MYO18B: variants seen among roughly 807,000 people sequenced by gnomAD.
MYO18B encodes myosin XVIIIB.
Under a neutral mutation model 273.0 loss-of-function variants are expected in MYO18B, and 204 were observed. That is an observed-to-expected ratio of 0.75 (90% CI 0.67 to 0.84). MYO18B has a LOEUF of 0.84. MYO18B is among the 40% of genes least tolerant of loss of function. The probability of loss-of-function intolerance (pLI) is 0.00; values close to 1 mark genes in which losing one functional copy is unlikely to be tolerated. For synonymous variants in MYO18B, 1,330 were observed against 1,305.7 expected, an observed-to-expected ratio of 1.02 and a Z score of -0.40; for missense variants, 3,212 against 3,287.6, an observed-to-expected ratio of 0.98 and a Z score of 0.56.
intron 29 of MYO18B, chr22:25,900,698 T>C (rs958261795): frequency 8.5e-5 from 13 of 152,406 alleles, no homozygotes; most frequent in African/African-American, 2.2e-4. Context: ...CTCAGGCAAT[T>C]GGCTGGTCAG....
At chr22:25,823,396 C>G (rs2089358042) in intron 12 of MYO18B, 109 bp from the exon 13 acceptor site, 1 of 1,231,364 alleles carries the variant, frequency 8.1e-7, no homozygotes, top group Non-Finnish European at 1.1e-6. Context: ...GCTGAGGAGG[C>G]TGGCCTGGAG....
At chr22:26,024,470 C>A (rs1936089855) in intron 42 of MYO18B, among the ~76,000 whole-genome samples, 1 of 152,156 alleles carries the variant, frequency 6.6e-6, no homozygotes, top group Non-Finnish European at 1.5e-5. Flanking sequence ...GCAGGAATAG[C>A]AAGCCTGATC....
chr22:25,906,256 G>A (rs1176830615), intron 31 of MYO18B, among the ~76,000 whole-genome samples: 1 of 152,022 alleles, frequency 6.6e-6, no homozygotes, highest in Middle Eastern at 3.2e-3. Context: ...TATTGCAGAT[G>A]TCAAGAATGT....
chr22:26,048,698 T>TAA, the MYO18B span, among the ~76,000 whole-genome samples: 132 of 151,126 alleles, frequency 8.7e-4, no homozygotes, highest in African/African-American at 3.0e-3. Flanking sequence ...CTCTCATTAT[T>TAA]AAAAAAAAAC....
chr22:26,053,771 T>G, the MYO18B span, among the ~76,000 whole-genome samples: 2 of 151,690 alleles, frequency 1.3e-5, no homozygotes, highest in Admixed American at 1.3e-4. Flanking sequence ...AGAGACTGAG[T>G]CCGGGTGCCA....
chr22:25,936,961 G>A (rs2092586269), intron 34 of MYO18B, among the ~76,000 whole-genome samples: 1 of 152,066 alleles, frequency 6.6e-6, no homozygotes, highest in South Asian at 2.1e-4. Flanking sequence ...CACATTTCTA[G>A]GGGACAGAAT....
In MYO18B at chr22:25,842,906, C is replaced by T. The variant is rs79651717; in HGVS notation, c.3209-829C>T. ...TGAACATAAACAACACTTTGTGATT[C>T]GGGAACATCAGCAAAGGTTTAAGTG... On this transcript the variant is annotated intron_variant, in intron 17 of 43. Transcript: ENST00000335473. Among the ~76,000 whole-genome samples, 590 of 152,250 alleles carry T rather than the reference C, an allele frequency of 3.9e-3. 3 individuals carry two copies. The highest frequency in any genetic ancestry group is 0.03 in the South Asian group (145 of 4,814).
intron 1 of MYO18B, among the ~76,000 whole-genome samples, chr22:25,748,259 AGAAG>A (rs1422127864): frequency 6.6e-6 from 1 of 152,152 alleles, no homozygotes; most frequent in Non-Finnish European, 1.5e-5. Context: ...TAGCTCTCTG[AGAAG>A]GAAGAAAAAG....
Position 25,883,709 on chromosome 22 carries a change from G to A in MYO18B, c.4314+5661G>A, listed in dbSNP as rs1051397366. 1 of 152,136 alleles carries A rather than the reference G, an allele frequency of 6.6e-6. No homozygotes were observed. The highest frequency in any genetic ancestry group is 2.4e-5 in the African/African-American group (1 of 41,422). 9.4% of individuals were successfully genotyped at this position (152,136 alleles called of 1,614,324 possible). ...ATGCCACCCCTTTGTCTCTGGAGGG[G>A]GAGAAACAGTAATATAAACATTGCT... On this transcript the variant is annotated intron_variant, in intron 25 of 43. Coordinates refer to ENST00000335473, the MANE Select transcript of MYO18B (RefSeq NM_032608.7). The surrounding 1 kb of genome is among the most constrained non-coding windows in gnomAD (Gnocchi z 7.6).
At chr22:25,787,272 GCACA>G (rs10598069) in intron 11 of MYO18B, among the ~76,000 whole-genome samples, 1,698 of 136,698 alleles carry the variant, frequency 0.012, 23 homozygotes, top group East Asian at 0.098. Context: ...GCAGGCGCGC[GCACA>G]CACACACACA....
chr22:25,791,495 C>G (rs1252773839), intron 11 of MYO18B, among the ~76,000 whole-genome samples: 1 of 152,224 alleles, frequency 6.6e-6, no homozygotes, highest in Admixed American at 6.5e-5. Flanking sequence ...CACATTGCAG[C>G]TTGTAAATGG....
chr22:26,052,159 G>A, the MYO18B span, among the ~76,000 whole-genome samples: 1 of 152,096 alleles, frequency 6.6e-6, no homozygotes, highest in Non-Finnish European at 1.5e-5. Context: ...ATGGAAATTG[G>A]GTGTGGTTTT....
chr22:25,835,352 A>AG lies in MYO18B; in HGVS notation c.3118dup (p.Asp1040GlyfsTer2). 6.2e-7 allele frequency: 1 copy of AG among 1,613,982 alleles called. No homozygotes were observed. The highest frequency in any genetic ancestry group is 8.5e-7 in the Non-Finnish European group (1 of 1,179,880). On this transcript the variant is annotated frameshift_variant, in exon 17 of 44. Transcript: ENST00000335473. LOFTEE classifies it high-confidence loss of function. ...ATGCCAGAGGCCTTTTCTGGGTCTT[A>AG]GATGAGGAAGTCCATGTAGAGGGCT...
At chr22:26,020,536 CA>C (rs1019512864) in intron 42 of MYO18B, among the ~76,000 whole-genome samples, 9 of 152,132 alleles carry the variant, frequency 5.9e-5, no homozygotes, top group African/African-American at 1.9e-4. Context: ...AGCAATCAGA[CA>C]AGGGTTAAGA....
intron 39 of MYO18B, chr22:25,983,661 A>G (rs2093171480): frequency 2.0e-5 from 3 of 152,244 alleles, no homozygotes; most frequent in Admixed American, 2.0e-4. Flanking sequence ...GGTTCTGCCA[A>G]TGAAAGGCAG....
intron 1 of MYO18B, among the ~76,000 whole-genome samples, chr22:25,759,437 T>C (rs2086232003): frequency 6.6e-6 from 1 of 151,576 alleles, no homozygotes; most frequent in African/African-American, 2.4e-5. Flanking sequence ...AACCAAACAC[T>C]GCACGTTCTC....
chr22:25,883,523 C>T lies in MYO18B; in HGVS notation c.4314+5475C>T, dbSNP rs1195085307. On this transcript the variant is annotated intron_variant, in intron 25 of 43. Coordinates refer to ENST00000335473, the MANE Select transcript of MYO18B (RefSeq NM_032608.7). This position sits in a 1 kb window ranked among gnomAD's most constrained non-coding sequence, Gnocchi z 7.6. The stretch of plus-strand genomic sequence containing the variant: ...AGTGCTAAAGGTGCCTGTCCTGGGA[C>T]CACACTTTGAGACACATTAGGCCAG... The T allele has an allele frequency of 1.3e-5, 2 of 152,142 alleles. No individual in the cohort carries two copies. The highest frequency in any genetic ancestry group is 4.8e-5 in the African/African-American group (2 of 41,412). 9.4% of individuals were successfully genotyped at this position (152,142 alleles called of 1,614,324 possible).
At chr22:25,997,013 G>T (rs1407619320) in intron 40 of MYO18B, among the ~76,000 whole-genome samples, 2 of 152,098 alleles carry the variant, frequency 1.3e-5, no homozygotes, top group Non-Finnish European at 2.9e-5. Flanking sequence ...CATTTGTAGG[G>T]TTCAGTGTGA....
intron 36 of MYO18B, 148 bp downstream of exon 36, chr22:25,947,976 C>T (rs1173880673): frequency 1.5e-6 from 1 of 650,552 alleles, no homozygotes; most frequent in Non-Finnish European, 2.8e-6. Context: ...TTGTGCATTT[C>T]CTGTGGTCCT....
Sources: gnomAD v4.1 joint callset for allele counts (sites outside exome capture counted in the v4.1 genomes callset) on GRCh38, gnomAD v4.1.1 for gene constraint, Gnocchi (gnomAD v3.1) non-coding constraint, MANE v1.5 for transcripts, NCBI Gene and HGNC (gene_info 2026-07-23, HGNC 2026-07-21) for gene names.